DMD: variants seen among roughly 807,000 people sequenced by gnomAD.
DMD encodes dystrophin.
DMD carries 63 observed loss-of-function variants against 330.1 expected under a neutral mutation model. That is an observed-to-expected ratio of 0.19 (90% CI 0.16 to 0.24). The LOEUF (loss-of-function observed/expected upper bound fraction) is 0.24, where lower values mean the gene tolerates loss of function less well. Ranked by LOEUF, DMD falls within the 10% of genes least tolerant of loss-of-function variation. DMD has a pLI of 1.00. For synonymous variants in DMD, 1,223 were observed against 959.8 expected (o/e 1.27, Z -5.07); for missense variants, 3,344 against 2,684.1 (o/e 1.25, Z -5.43).
At chrX:32,312,942 CAAAAAAAAAAAAAA>C (rs767993498) in intron 41 of DMD, among the ~76,000 whole-genome samples, 2 of 20,375 alleles carry the variant, frequency 9.8e-5, no homozygotes, top group African/African-American at 1.4e-4. Flanking sequence ...GCCTACGAAC[CAAAAAAAAAAAAAA>C]AAAAAAAAGC....
chrX:32,649,559 T>TAAAAAAAAAAAAAA (rs1161462889), intron 9 of DMD, among the ~76,000 whole-genome samples: 1 of 54,280 alleles, frequency 1.8e-5, no homozygotes, highest in African/African-American at 1.2e-4. Flanking sequence ...CCGTCTCTTT[T>TAAAAAAAAAAAAAA]AAAAAAAAAA....
intron 50 of DMD, among the ~76,000 whole-genome samples, chrX:31,789,774 A>G (rs2091482531): frequency 9.0e-6 from 1 of 111,665 alleles, no homozygotes; most frequent in Non-Finnish European, 1.9e-5. Context: ...ATTTTTATCA[A>G]GTTATGTTAC....
intron 2 of DMD, among the ~76,000 whole-genome samples, chrX:32,881,894 G>C (rs2083980998): frequency 9.0e-6 from 1 of 111,433 alleles, no homozygotes; most frequent in East Asian, 2.8e-4. Flanking sequence ...TCTAAAGGTA[G>C]GGAGCAATAG....
chrX:31,377,813 A>G (rs2059954762), intron 60 of DMD, among the ~76,000 whole-genome samples: 1 of 111,753 alleles, frequency 8.9e-6, no homozygotes, highest in South Asian at 3.8e-4. Flanking sequence ...AAAATCACAA[A>G]AGAAGTGAAA....
At chrX:33,318,270 T>C (rs2053961988) in intron 1 of DMD, among the ~76,000 whole-genome samples, 1 of 110,875 alleles carries the variant, frequency 9.0e-6, no homozygotes, top group Non-Finnish European at 1.9e-5. Context: ...GAGTTAAGAA[T>C]AATTGGGTCC....
intron 41 of DMD, among the ~76,000 whole-genome samples, chrX:32,321,265 C>T (rs1365647277): frequency 1.8e-5 from 2 of 110,838 alleles, no homozygotes; most frequent in African/African-American, 3.3e-5. Context: ...AAGATAATCA[C>T]AACTAACTGC....
chrX:33,270,247 T>A (rs1482247517), intron 1 of DMD, among the ~76,000 whole-genome samples: 1 of 111,279 alleles, frequency 9.0e-6, no homozygotes, highest in African/African-American at 3.3e-5. Context: ...GTCAGATTTT[T>A]AAAACATTTT....
chrX:31,222,186 ACT>A (rs998343236), intron 64 of DMD, among the ~76,000 whole-genome samples: 2 of 81,299 alleles, frequency 2.5e-5, no homozygotes, highest in Non-Finnish European at 4.3e-5. Context: ...ACAGAGCGAG[ACT>A]CTGTCTCAAA....
intron 11 of DMD, among the ~76,000 whole-genome samples, chrX:32,629,761 C>A (rs186617171): frequency 9.5e-6 from 1 of 104,869 alleles, no homozygotes; most frequent in East Asian, 3.0e-4. Context: ...AAATTCATGA[C>A]AACACTGGTT....
chrX:32,929,197 A>C (rs963904593), intron 2 of DMD, among the ~76,000 whole-genome samples: 1 of 110,904 alleles, frequency 9.0e-6, no homozygotes, highest in Non-Finnish European at 1.9e-5. Context: ...GGGGACACTT[A>C]ATTGGAGACG....
chrX:32,194,909 C>T (rs1263566670), intron 44 of DMD, among the ~76,000 whole-genome samples: 1 of 111,501 alleles, frequency 9.0e-6, no homozygotes, highest in South Asian at 3.8e-4. Context: ...GCCTTAAGCA[C>T]AGAAATGCCT....
At chrX:31,221,788 G>A in intron 64 of DMD, among the ~76,000 whole-genome samples, 1 of 112,819 alleles carries the variant, frequency 8.9e-6, no homozygotes, top group East Asian at 2.8e-4. Context: ...GGGCGCATTG[G>A]CTCACGCCTG....
At chrX:32,761,422 C>G (rs918079554) in intron 7 of DMD, among the ~76,000 whole-genome samples, 2 of 112,035 alleles carry the variant, frequency 1.8e-5, no homozygotes, top group African/African-American at 6.5e-5. Context: ...ACTATTTTCA[C>G]AGCTTTTGGA....
At chrX:31,191,402 C>A (rs1439865040) in intron 67 of DMD, among the ~76,000 whole-genome samples, 3 of 111,795 alleles carry the variant, frequency 2.7e-5, no homozygotes, top group Non-Finnish European at 5.6e-5. Context: ...TCCTTTGTGG[C>A]TGATATGGTT....
chrX:32,788,653 A>ACTTT (rs2075592073), intron 7 of DMD, among the ~76,000 whole-genome samples: 1 of 112,250 alleles, frequency 8.9e-6, no homozygotes, highest in African/African-American at 3.2e-5. Context: ...TCTGGCTAAA[A>ACTTT]TACAAACTGT....
chrX:31,726,607 G>T (rs769871173), intron 52 of DMD, among the ~76,000 whole-genome samples: 1 of 111,722 alleles, frequency 9.0e-6, no homozygotes, highest in Non-Finnish European at 1.9e-5. Flanking sequence ...GAACACGATC[G>T]AAAAGTTTAT....
At chrX:32,742,413 C>T (rs1338828378) in intron 7 of DMD, among the ~76,000 whole-genome samples, 1 of 111,628 alleles carries the variant, frequency 9.0e-6, no homozygotes, top group Non-Finnish European at 1.9e-5. Flanking sequence ...TAATCATGTG[C>T]CACAGATAGA....
intron 11 of DMD, among the ~76,000 whole-genome samples, chrX:32,628,837 T>C (rs1436482649): frequency 3.6e-5 from 4 of 111,996 alleles, no homozygotes; most frequent in African/African-American, 1.3e-4. Flanking sequence ...CCAAAATTCT[T>C]CCTACTGATA....
At chrX:32,467,299 A>G (rs975374514) in intron 23 of DMD, among the ~76,000 whole-genome samples, 2 of 111,187 alleles carry the variant, frequency 1.8e-5, no homozygotes, top group African/African-American at 3.3e-5. Flanking sequence ...TGTCACAATA[A>G]TTGACCACTC....
Sources: allele counts gnomAD v4.1 joint callset (sites outside exome capture counted in the v4.1 genomes callset), GRCh38; gene constraint gnomAD v4.1.1; transcripts MANE v1.5; gene names NCBI Gene and HGNC (gene_info 2026-07-23, HGNC 2026-07-21).